PELI2: variants seen among roughly 807,000 people sequenced by gnomAD.
The protein encoded by PELI2 is E3 ubiquitin-protein ligase pellino homolog 2.
In PELI2, 23 loss-of-function variants were observed where a neutral mutation model predicts 42.3. The observed-to-expected ratio is 0.54, with a 90% confidence interval of 0.39 to 0.77. The LOEUF is 0.77. PELI2 is among the 30% of genes least tolerant of loss of function. PELI2 has a pLI of 0.00. For missense variants in PELI2, 463 were observed against 553.2 expected (o/e 0.84, Z 1.64); for synonymous variants, 245 against 212.2 (o/e 1.15, Z -1.34).
chr14:56,118,747 G>C lies in PELI2; in HGVS notation c.77+10G>C, dbSNP rs775444419. ...AGCTGGTGGTGCTCGGGTGAGTCCT[G>C]GGGTCCCTGGTCCCGGGCAGCGGCG... On this transcript the variant is annotated intron_variant, in intron 1 of 5. Transcript: ENST00000267460. 2 of 1,488,736 alleles carry C rather than the reference G, an allele frequency of 1.3e-6. No homozygotes were observed. The highest frequency in any genetic ancestry group is 2.5e-5 in the South Asian group (2 of 79,048). 92.2% of individuals were successfully genotyped at this position (1,488,736 alleles called of 1,614,324 possible). A position where few individuals can be genotyped will look rare whatever the true frequency, so the allele number is the denominator to read the frequency against.
intron 2 of PELI2, among the ~76,000 whole-genome samples, chr14:56,253,234 A>T (rs184716589): frequency 6.6e-6 from 1 of 152,334 alleles, no homozygotes; most frequent in East Asian, 1.9e-4. Context: ...ACAAACCCAC[A>T]GCCAATATCA....
At chr14:56,202,354 C>A (rs2139709277) in intron 2 of PELI2, among the ~76,000 whole-genome samples, 2 of 151,524 alleles carry the variant, frequency 1.3e-5, no homozygotes, top group South Asian at 4.3e-4. Flanking sequence ...CTTTTGGCTT[C>A]ATTTTCAGTT....
At chr14:56,134,333 A>T (rs936097999) in intron 1 of PELI2, among the ~76,000 whole-genome samples, 1 of 152,216 alleles carries the variant, frequency 6.6e-6, no homozygotes, top group Non-Finnish European at 1.5e-5. Context: ...ATATTTTGAC[A>T]GTGATAAAGC....
Position 56,288,808 on chromosome 14 carries a change from A to T in PELI2, c.507+174A>T, listed in dbSNP as rs1258622394. Among the ~76,000 whole-genome samples, 1 of 152,212 alleles carries T rather than the reference A, an allele frequency of 6.6e-6. No homozygotes were observed. The highest frequency in any genetic ancestry group is 1.5e-5 in the Non-Finnish European group (1 of 68,042). ...CTTGTTATTAAAAATCTGAACATTA[A>T]TAAGCATTGCTTGTTATTCATTATA... On this transcript the variant is annotated intron_variant, in intron 4 of 5. Coordinates refer to ENST00000267460, the MANE Select transcript of PELI2 (RefSeq NM_021255.3). The surrounding 1 kb of genome is among the most constrained non-coding windows in gnomAD (Gnocchi z 4.6).
intron 2 of PELI2, 147 bp from the exon 3 acceptor site, chr14:56,279,529 A>G (rs767109320): frequency 1.8e-5 from 8 of 449,604 alleles, no homozygotes; most frequent in Non-Finnish European, 3.2e-5. Context: ...GATTGACGGA[A>G]TAGAGCATAG....
chr14:56,203,956 A>G (rs902874672), intron 2 of PELI2, among the ~76,000 whole-genome samples: 1 of 152,132 alleles, frequency 6.6e-6, no homozygotes, highest in Non-Finnish European at 1.5e-5. Flanking sequence ...TGAAGGAGAA[A>G]CAGCCAGTAC....
intron 1 of PELI2, among the ~76,000 whole-genome samples, chr14:56,131,533 A>G (rs551977840): frequency 1.4e-4 from 22 of 152,384 alleles, no homozygotes; most frequent in East Asian, 5.8e-4. Context: ...AAGTAATTCA[A>G]TCAGCAGGTT....
chr14:56,136,299 G>T (rs1883687995), intron 1 of PELI2, among the ~76,000 whole-genome samples: 3 of 152,160 alleles, frequency 2.0e-5, no homozygotes, highest in Non-Finnish European at 4.4e-5. Context: ...ACACCCGGAG[G>T]TTCTGGATTT....
At chr14:56,167,497 C>T (rs951284474) in intron 1 of PELI2, among the ~76,000 whole-genome samples, 7 of 152,212 alleles carry the variant, frequency 4.6e-5, no homozygotes, top group South Asian at 2.1e-4. Context: ...ACTTTTTCAG[C>T]TCCAGAATTT....
intron 1 of PELI2, among the ~76,000 whole-genome samples, chr14:56,167,119 G>A (rs917161563): frequency 6.6e-6 from 1 of 152,106 alleles, no homozygotes; most frequent in African/African-American, 2.4e-5. Context: ...TGACCTTTGG[G>A]AGTTTGATTA....
intron 1 of PELI2, among the ~76,000 whole-genome samples, chr14:56,138,801 A>G (rs1033418653): frequency 1.3e-5 from 2 of 152,178 alleles, no homozygotes; most frequent in African/African-American, 4.8e-5. Context: ...TCATTCATTC[A>G]CTCAGCTTGT....
In PELI2 at chr14:56,273,140, C is replaced by T. The variant is rs1195246488; in HGVS notation, c.208-6536C>T. Among the ~76,000 whole-genome samples the T allele has an allele frequency of 6.6e-6, 1 of 152,190 alleles. No homozygotes were observed. The highest frequency in any genetic ancestry group is 1.5e-5 in the Non-Finnish European group (1 of 68,038). ...TCTGGGGCAGCTGGAGCTGGAGGATCCACTCTCACAGAGGCTTCTCCATGC... is the reference window on the plus strand; with the variant it reads ...TCTGGGGCAGCTGGAGCTGGAGGATTCACTCTCACAGAGGCTTCTCCATGC... On this transcript the variant is annotated intron_variant, in intron 2 of 5. Transcript: ENST00000267460. The surrounding 1 kb of genome is among the most constrained non-coding windows in gnomAD (Gnocchi z 4.3).
chr14:56,137,947 G>A (rs1284982278), intron 1 of PELI2, among the ~76,000 whole-genome samples: 1 of 152,166 alleles, frequency 6.6e-6, no homozygotes, highest in African/African-American at 2.4e-5. Flanking sequence ...CTTTACCTGA[G>A]AAGTTATGGG....
intron 2 of PELI2, among the ~76,000 whole-genome samples, chr14:56,217,153 C>T (rs766389144): frequency 5.5e-4 from 83 of 152,182 alleles, no homozygotes; most frequent in Non-Finnish European, 1.1e-3. Context: ...TAACAACAGT[C>T]CTGTGAGGCC....
At chr14:56,149,697 A>G (rs1460676183) in intron 1 of PELI2, among the ~76,000 whole-genome samples, 1 of 151,876 alleles carries the variant, frequency 6.6e-6, no homozygotes, top group African/African-American at 2.4e-5. Flanking sequence ...GTGTTGCCTC[A>G]GTTCATTTCC....
intron 2 of PELI2, among the ~76,000 whole-genome samples, chr14:56,205,564 G>A (rs1482796929): frequency 6.6e-6 from 1 of 152,132 alleles, no homozygotes; most frequent in Non-Finnish European, 1.5e-5. Flanking sequence ...TTAAGGGGAA[G>A]CTTGGAAGCT....
At chr14:56,279,515 C>G (rs1278454731) in intron 2 of PELI2, among the ~76,000 whole-genome samples, 161 bp from the exon 3 acceptor site, 8 of 152,136 alleles carry the variant, frequency 5.3e-5, no homozygotes, top group African/African-American at 1.9e-4. Context: ...CTTGGCTTGT[C>G]TGTGATTGAC....
At chr14:56,124,633 G>C (rs1322947798) in intron 1 of PELI2, among the ~76,000 whole-genome samples, 1 of 152,206 alleles carries the variant, frequency 6.6e-6, no homozygotes, top group African/African-American at 2.4e-5. Flanking sequence ...GGGATACGCA[G>C]ATGAACAAGA....
At chr14:56,156,579 T>G (rs1301687839) in intron 1 of PELI2, among the ~76,000 whole-genome samples, 2 of 152,228 alleles carry the variant, frequency 1.3e-5, no homozygotes, top group Non-Finnish European at 2.9e-5. Context: ...TTGACATGAT[T>G]GAAAATCTAT....
Sources: allele counts gnomAD v4.1 joint callset (sites outside exome capture counted in the v4.1 genomes callset), GRCh38; gene constraint gnomAD v4.1.1; non-coding constraint Gnocchi (gnomAD v3.1); transcripts MANE v1.5; gene names NCBI Gene and HGNC (gene_info 2026-07-23, HGNC 2026-07-21).